TST: variants seen among roughly 807,000 people sequenced by gnomAD.
TST encodes thiosulfate sulfurtransferase.
Under a neutral mutation model 20.4 loss-of-function variants are expected in TST, and 22 were observed. The ratio of observed to expected loss-of-function variants is 1.08; its 90% CI spans 0.77 to 1.54. The LOEUF (loss-of-function observed/expected upper bound fraction) is 1.54. TST is among the 40% of genes most tolerant of loss of function. The pLI is 0.00. For missense variants in TST, 392 were observed against 405.2 expected (o/e 0.97, Z 0.28); for synonymous variants, 187 against 173.8 (o/e 1.08, Z -0.60).
rs553083356 is a variant in TST at position 37,018,146 on chromosome 22, T to G, written c.587A>C (p.Asp196Ala). The G allele has an allele frequency of 6.4e-7, 1 of 1,551,524 alleles. No individual in the cohort carries two copies. ...AGCACTGGGACACCTACCTACTGCATCCGGCTCCGGCTCGGTGCCCAGGAA... is the reference window on the plus strand; with the variant it reads ...AGCACTGGGACACCTACCTACTGCAGCCGGCTCCGGCTCGGTGCCCAGGAA... The part of the protein sequence containing the change: ...GRFLGTEPEP[D>A]AVGLDSGHIR... The change falls in exon 2 of 3, where the codon GAT becomes GCT. Residue 196 changes from aspartate (D) to alanine (A), a missense_variant. By Grantham distance (126) the Asp-to-Ala change is moderately radical. Coordinates refer to ENST00000249042, the MANE Select transcript of TST (RefSeq NM_003312.6).
chr22:37,015,539 A>G (rs1376903739), intron 2 of TST, among the ~76,000 whole-genome samples: 1 of 152,246 alleles, frequency 6.6e-6, no homozygotes, highest in Non-Finnish European at 1.5e-5. Flanking sequence ...TCCAGGACTA[A>G]GAGCTTGTGG....
intron 2 of TST, 151 bp from the exon 3 acceptor site, chr22:37,011,476 G>A: frequency 2.3e-6 from 2 of 866,582 alleles, no homozygotes; most frequent in South Asian, 3.6e-5. Flanking sequence ...TTTATTCCCA[G>A]CCCCACCTAT....
chr22:37,015,375 G>A (rs925484649), intron 2 of TST, among the ~76,000 whole-genome samples: 1 of 152,182 alleles, frequency 6.6e-6, no homozygotes, highest in African/African-American at 2.4e-5. Context: ...AAAGAAACTG[G>A]GCTGGATAAA....
At position 37,017,305 on chromosome 22, in the gene TST, C is replaced by A. The variant is rs533913650; in HGVS notation, c.595+833G>T. Among the ~76,000 whole-genome samples the A allele has an allele frequency of 1.2e-4, 18 of 152,288 alleles. 1 individual carries two copies. The South Asian group carries it at 3.7e-3, about 32-fold the overall frequency. The stretch of plus-strand genomic sequence containing the variant: ...GCAGTATCCAATCCACCTGGCCTTC[C>A]CTTCCACAGGAGGGGAACTTCTGAG... On this transcript the variant is annotated intron_variant, in intron 2 of 2. Coordinates refer to ENST00000249042, the MANE Select transcript of TST (RefSeq NM_003312.6).
intron 2 of TST, among the ~76,000 whole-genome samples, chr22:37,014,085 C>T (rs1406498327): frequency 1.2e-4 from 1 of 8,646 alleles, no homozygotes; most frequent in East Asian, 3.1e-3. Context: ...CCAGTTTGGC[C>T]GGGCGCGGTG....
rs1168541206 is a variant in TST, at chr22:37,018,484, C to A, written c.249G>T (p.Glu83Asp). Residue 83 changes from glutamate to aspartate, a missense_variant, in exon 2 of 3, where the codon GAG (glutamate) becomes GAT (aspartate). Coordinates refer to ENST00000249042, the MANE Select transcript of TST (RefSeq NM_003312.6). ...MMLPSEAGFA[E>D]YVGRLGISNH... is the part of the protein sequence containing the mutation. ...TGCTGATGCCCAGGCGGCCCACATA[C>A]TCGGCGAAGCCAGCCTCGCTGGGCA... 1 of 1,610,058 alleles carries A rather than the reference C, an allele frequency of 6.2e-7. No homozygotes were observed. The highest frequency in any genetic ancestry group is 1.1e-5 in the South Asian group (1 of 90,762).
upstream of TST, chr22:37,019,986 A>T (rs1922941388): frequency 6.2e-6 from 3 of 483,842 alleles, no homozygotes; most frequent in Non-Finnish European, 9.7e-6. Context: ...GGCTTAGTCT[A>T]GGAGAGAAGG....
chr22:37,011,315 C>G lies in TST; in HGVS notation c.606G>C (p.Ser202=). 1.9e-6 allele frequency: 3 copies of G among 1,612,030 alleles called. No homozygotes were observed. The highest frequency in any genetic ancestry group is 2.2e-5 in the South Asian group (2 of 91,026). ...TGTTGACGGCACCACGGATATGGCC[C>G]GAGTCCAGTCCTGGGCAGGGCAGAG... is the stretch of plus-strand genomic sequence containing the variant. ...EPEPDAVGLD[S]GHIRGAVNMP... The change falls in exon 3 of 3, where the codon TCG becomes TCC. Residue 202 remains serine (S), a synonymous_variant. Coordinates refer to ENST00000249042, the MANE Select transcript of TST (RefSeq NM_003312.6).
chr22:37,011,942 T>C (rs945829635), intron 2 of TST, among the ~76,000 whole-genome samples: 1 of 152,182 alleles, frequency 6.6e-6, no homozygotes, highest in African/African-American at 2.4e-5. Flanking sequence ...CAGGATTACA[T>C]CGGGGCCTCT....
chr22:37,011,247 C>T lies in TST; in HGVS notation c.674G>A (p.Gly225Asp). The T allele has an allele frequency of 1.2e-6, 2 of 1,614,020 alleles. No homozygotes were observed. Among genetic ancestry groups the T allele is most frequent in the East Asian group, 2.2e-5 (1 of 44,866 alleles). The stretch of plus-strand genomic sequence containing the variant: ...GAACAGAGCACGGAGCTCTTCTGGG[C>T]CCTTCTCGAAGCCATCCTCAGTCAG... ...DFLTEDGFEK[G>D]PEELRALFQT... is the part of the protein sequence containing the mutation. The change falls in exon 3 of 3, where the codon GGC (glycine) becomes GAC (aspartate). Residue 225 changes from glycine to aspartate, a missense_variant. Transcript: ENST00000249042.
upstream of TST, chr22:37,019,496 G>T (rs1922880313): frequency 1.4e-5 from 1 of 71,364 alleles, no homozygotes; most frequent in African/African-American, 5.8e-5. Flanking sequence ...GCGCACCATC[G>T]CGCCACCGCC....
chr22:37,018,099 C>T (rs1189558613), intron 2 of TST, 39 bp downstream of exon 2: 3 of 1,439,514 alleles, frequency 2.1e-6, no homozygotes, highest in East Asian at 2.4e-5. Flanking sequence ...TTCCATGGGG[C>T]AATACTCCCC....
At position 37,018,154 on chromosome 22, in the gene TST, C is replaced by G. The variant is rs1463574457; in HGVS notation, c.579G>C (p.Pro193=). 6.4e-7 allele frequency: 1 copy of G among 1,558,502 alleles called. No homozygotes were observed. The highest frequency in any genetic ancestry group is 1.8e-5 in the Admixed American group (1 of 54,620). ...RSQGRFLGTE[P]EPDAVGLDSG... ...GACACCTACCTACTGCATCCGGCTCCGGCTCGGTGCCCAGGAACCGCCCTT... is the reference window on the plus strand; with the variant it reads ...GACACCTACCTACTGCATCCGGCTCGGGCTCGGTGCCCAGGAACCGCCCTT... The change falls in exon 2 of 3, where the codon CCG becomes CCC. Residue 193 remains proline (P), a synonymous_variant. Coordinates refer to ENST00000249042, the MANE Select transcript of TST (RefSeq NM_003312.6).
rs753952020 is a variant in TST at position 37,018,194 on chromosome 22, A to G, written c.539T>C (p.Val180Ala). 3.1e-6 allele frequency: 5 copies of G among 1,608,882 alleles called. No individual in the cohort carries two copies. In the South Asian group the frequency reaches 5.5e-5, roughly 18 times the overall value. ...GAACCGCCCTTGAGACCTTGAATCC[A>G]CCAGCTGGAACCTCTTAGATTCAAG... ...ENLESKRFQL[V>A]DSRSQGRFLG... The change falls in exon 2 of 3, where the codon GTG becomes GCG. Residue 180 changes from valine to alanine, a missense_variant. Coordinates refer to ENST00000249042, the MANE Select transcript of TST (RefSeq NM_003312.6).
At chr22:37,013,907 C>A (rs1042838721) in intron 2 of TST, among the ~76,000 whole-genome samples, 11 of 152,162 alleles carry the variant, frequency 7.2e-5, no homozygotes, top group African/African-American at 2.7e-4. Flanking sequence ...ACATAAAGGG[C>A]ACCCCTTCTG....
At chr22:37,019,878 T>A, upstream of TST, 1 of 1,208,792 alleles carries the variant, frequency 8.3e-7, no homozygotes, top group Non-Finnish European at 1.0e-6. Context: ...CCCGGGTAAC[T>A]GCCGCGGCGT....
chr22:37,018,368 C>A lies in TST; in HGVS notation c.365G>T (p.Arg122Leu), dbSNP rs1922785761. The A allele has an allele frequency of 6.2e-7, 1 of 1,613,850 alleles. No homozygotes were observed. The highest frequency in any genetic ancestry group is 8.5e-7 in the Non-Finnish European group (1 of 1,180,028). The change falls in exon 2 of 3, where the codon CGC (arginine) becomes CTC (leucine). Residue 122 changes from arginine to leucine, a missense_variant. Transcript: ENST00000249042. ...VWWMFRVFGH[R>L]TVSVLNGGFR... ...GCCACCATTGAGCACTGATACGGTGCGGTGGCCAAACACACGGAACATCCA... is the reference window on the plus strand; with the variant it reads ...GCCACCATTGAGCACTGATACGGTGAGGTGGCCAAACACACGGAACATCCA...
At position 37,018,726 on chromosome 22, in the gene TST, G is replaced by A. The variant is rs1368730055; in HGVS notation, c.7C>T (p.His3Tyr). 6.7e-7 allele frequency: 1 copy of A among 1,493,254 alleles called. No individual in the cohort carries two copies. Among genetic ancestry groups the A allele is most frequent in the East Asian group, 2.3e-5 (1 of 43,036 alleles). 92.5% of individuals were successfully genotyped at this position (1,493,254 alleles called of 1,614,324 possible). A position where few individuals can be genotyped will look rare whatever the true frequency, so the allele number is the denominator to read the frequency against. MV[H>Y]QVLYRALVST... ...ACCAGCGCCCGGTAGAGCACCTGAT[G>A]AACCATGGCTTCAGCTCTGCGTGTC... The change falls in exon 2 of 3, where the codon CAT becomes TAT. Residue 3 changes from histidine to tyrosine, a missense_variant. Physicochemically the swap from His to Tyr is moderately conservative, Grantham distance 83 (BLOSUM62 2). Coordinates refer to ENST00000249042, the MANE Select transcript of TST (RefSeq NM_003312.6).
chr22:37,020,028 T>G, upstream of TST: 6 of 373,100 alleles, frequency 1.6e-5, no homozygotes, highest in Middle Eastern at 3.9e-4. Context: ...AGGGTGACTG[T>G]CCGCTTGGGG....
Sources: gnomAD v4.1 joint callset for allele counts (sites outside exome capture counted in the v4.1 genomes callset) on GRCh38, gnomAD v4.1.1 for gene constraint, MANE v1.5 for transcripts, NCBI Gene and HGNC (gene_info 2026-07-23, HGNC 2026-07-21) for gene names.